The following NUDCD3 variants were observed in gnomAD, a reference collection of about 807,000 sequenced individuals.
The protein encoded by NUDCD3 is nudC domain-containing protein 3.
NUDCD3 carries 13 observed loss-of-function variants against 39.7 expected under a neutral mutation model. The observed-to-expected ratio is 0.33, with a 90% CI of 0.21 to 0.52. The LOEUF is 0.52. NUDCD3 is among the 20% of genes least tolerant of loss of function. The pLI is 0.96. For synonymous variants in NUDCD3, 175 were observed against 172.4 expected (o/e 1.02, Z -0.12); for missense variants, 453 against 458.1 (o/e 0.99, Z 0.10).
intron 2 of NUDCD3, among the ~76,000 whole-genome samples, chr7:44,446,685 C>T (rs1799695200): frequency 6.6e-6 from 1 of 152,202 alleles, no homozygotes; most frequent in Admixed American, 6.5e-5. Flanking sequence ...GGGTAGGGGG[C>T]TGTCTGCGTA....
chr7:44,462,009 G>A (rs1374748641), intron 2 of NUDCD3, among the ~76,000 whole-genome samples: 1 of 152,204 alleles, frequency 6.6e-6, no homozygotes, highest in Non-Finnish European at 1.5e-5. Context: ...AGGTGCATAG[G>A]CAGGTGGTCC....
chr7:44,472,753 A>C (rs935530793), intron 2 of NUDCD3, among the ~76,000 whole-genome samples: 14 of 152,238 alleles, frequency 9.2e-5, no homozygotes, highest in Admixed American at 6.5e-4. Flanking sequence ...TTCAAAAGTG[A>C]ACGACATTTC....
intron 2 of NUDCD3, among the ~76,000 whole-genome samples, chr7:44,477,317 A>T (rs1237161855): frequency 6.6e-6 from 1 of 152,158 alleles, no homozygotes; most frequent in Non-Finnish European, 1.5e-5. Flanking sequence ...CAAAAAGATA[A>T]CCAGTCCAAG....
chr7:44,460,456 G>A (rs1292508956), intron 2 of NUDCD3, among the ~76,000 whole-genome samples: 1 of 152,118 alleles, frequency 6.6e-6, no homozygotes, highest in Non-Finnish European at 1.5e-5. Context: ...ATGCTCTACT[G>A]CATTAGCAGG....
chr7:44,430,287 G>A (rs1208542403), intron 2 of NUDCD3, among the ~76,000 whole-genome samples: 2 of 152,188 alleles, frequency 1.3e-5, no homozygotes, highest in East Asian at 3.8e-4. Flanking sequence ...CCTTGGAGCA[G>A]GGTACGAAGG....
intron 2 of NUDCD3, among the ~76,000 whole-genome samples, chr7:44,434,697 T>C (rs974823684): frequency 4.6e-5 from 7 of 152,102 alleles, no homozygotes; most frequent in Admixed American, 1.3e-4. Flanking sequence ...AATCAATGTC[T>C]CCAAGCCAGT....
intron 4 of NUDCD3, among the ~76,000 whole-genome samples, chr7:44,398,827 G>A (rs17655026): frequency 0.13 from 19,569 of 152,234 alleles, 1,670 homozygotes; most frequent in Non-Finnish European, 0.19. Flanking sequence ...GGGGTGAGAC[G>A]ACAGCGTGGC....
At chr7:44,436,281 A>T (rs1308212383) in intron 2 of NUDCD3, among the ~76,000 whole-genome samples, 1 of 152,202 alleles carries the variant, frequency 6.6e-6, no homozygotes, top group Non-Finnish European at 1.5e-5. Context: ...TTCTATCAAA[A>T]ACAAAACCAA....
At chr7:44,408,681 G>A (rs1252965344) in intron 3 of NUDCD3, among the ~76,000 whole-genome samples, 1 of 152,156 alleles carries the variant, frequency 6.6e-6, no homozygotes, top group Non-Finnish European at 1.5e-5. Flanking sequence ...ACTAACCAAA[G>A]GTTTGCAGGA....
At chr7:44,432,966 T>C (rs1250440970) in intron 2 of NUDCD3, among the ~76,000 whole-genome samples, 2 of 152,198 alleles carry the variant, frequency 1.3e-5, no homozygotes, top group African/African-American at 2.4e-5. Flanking sequence ...CCGAAGGTGA[T>C]GGCAGTAGGA....
intron 2 of NUDCD3, among the ~76,000 whole-genome samples, chr7:44,483,078 G>T (rs549184964): frequency 6.6e-6 from 1 of 152,236 alleles, no homozygotes; most frequent in East Asian, 1.9e-4. Context: ...GTGTGTGTGT[G>T]TGTGTGTGTA....
intron 2 of NUDCD3, among the ~76,000 whole-genome samples, chr7:44,441,601 G>A (rs552999100): frequency 1.3e-5 from 2 of 152,102 alleles, no homozygotes; most frequent in East Asian, 1.9e-4. Context: ...TGCCACCCTC[G>A]CAGCTAGGAC....
intron 3 of NUDCD3, among the ~76,000 whole-genome samples, chr7:44,417,620 A>G (rs1342726192): frequency 6.6e-6 from 1 of 152,184 alleles, no homozygotes; most frequent in African/African-American, 2.4e-5. Flanking sequence ...GCTTTTCCTA[A>G]TTTATTCAAC....
Position 44,384,610 on chromosome 7 carries a change from CAT to C in NUDCD3, c.*1399_*1400del, listed in dbSNP as rs1209549164. ...AGAGAGCCCCCACAACCCAAGTATC[CAT>C]AGAGAGTGTGCAGGAGCGGGGACCT... On this transcript the variant is annotated 3_prime_UTR_variant, in exon 6 of 6. Transcript: ENST00000355451. The C allele has an allele frequency of 6.6e-6, 1 of 152,242 alleles. No individual in the cohort carries two copies. The highest frequency in any genetic ancestry group is 2.4e-5 in the African/African-American group (1 of 41,464). 9.4% of individuals were successfully genotyped at this position (152,242 alleles called of 1,614,324 possible).
chr7:44,427,823 A>G (rs1237142542), intron 2 of NUDCD3, 120 bp from the exon 3 acceptor site: 2 of 1,006,914 alleles, frequency 2.0e-6, no homozygotes, highest in East Asian at 5.3e-5. Flanking sequence ...TTTCATCTCA[A>G]GTTCACTGGC....
chr7:44,463,997 TGAG>T (rs1585096463), intron 2 of NUDCD3, among the ~76,000 whole-genome samples: 1 of 151,962 alleles, frequency 6.6e-6, no homozygotes, highest in East Asian at 1.9e-4. Flanking sequence ...GTGGATCATC[TGAG>T]GTTAGGAGTT....
intron 3 of NUDCD3, among the ~76,000 whole-genome samples, chr7:44,405,968 A>G (rs1275845843): frequency 2.0e-5 from 3 of 151,802 alleles, no homozygotes; most frequent in African/African-American, 7.3e-5. Context: ...GGCTAATTTT[A>G]TTTTTATTTT....
chr7:44,415,384 T>C (rs533711622), intron 3 of NUDCD3, among the ~76,000 whole-genome samples: 7 of 152,244 alleles, frequency 4.6e-5, no homozygotes, highest in East Asian at 3.9e-4. Flanking sequence ...GCAGAGTAGA[T>C]TGAGCAAAGA....
At chr7:44,438,027 T>C (rs1468592387) in intron 2 of NUDCD3, among the ~76,000 whole-genome samples, 1 of 152,188 alleles carries the variant, frequency 6.6e-6, no homozygotes, top group Non-Finnish European at 1.5e-5. Flanking sequence ...TAAAACAAAA[T>C]TAGATAATCT....
Sources: allele counts gnomAD v4.1 joint callset (sites outside exome capture counted in the v4.1 genomes callset), GRCh38; gene constraint gnomAD v4.1.1; transcripts MANE v1.5; gene names NCBI Gene and HGNC (gene_info 2026-07-23, HGNC 2026-07-21).